SDK2: variants seen among roughly 807,000 people sequenced by gnomAD.
SDK2 encodes the protein protein sidekick-2.
SDK2 carries 105 observed loss-of-function variants against 253.9 expected under a neutral mutation model. That is an observed-to-expected ratio of 0.41 (90% CI 0.35 to 0.49). SDK2 has a LOEUF of 0.49. Ranked by LOEUF, SDK2 falls within the 20% of genes least tolerant of loss-of-function variation. The pLI is 0.06. For synonymous variants in SDK2, 1,249 were observed against 1,234.9 expected, an observed-to-expected ratio of 1.01 and a Z score of -0.24; for missense variants, 2,608 against 3,003.0, an observed-to-expected ratio of 0.87 and a Z score of 3.07.
At chr17:73,469,676 C>T (rs898495528) in intron 3 of SDK2, among the ~76,000 whole-genome samples, 1 of 152,142 alleles carries the variant, frequency 6.6e-6, no homozygotes, top group African/African-American at 2.4e-5. Flanking sequence ...GAGTTCCCCC[C>T]ACCCTGGGTT....
At chr17:73,415,469 C>T (rs2063172628) in intron 17 of SDK2, among the ~76,000 whole-genome samples, 1 of 151,660 alleles carries the variant, frequency 6.6e-6, no homozygotes, top group Non-Finnish European at 1.5e-5. Context: ...TGGGGACCTC[C>T]CGAGTAGCTG....
intron 2 of SDK2, among the ~76,000 whole-genome samples, chr17:73,486,610 TAAAAAAAAA>T: frequency 1.0e-5 from 1 of 96,454 alleles, no homozygotes; most frequent in African/African-American, 4.1e-5. Flanking sequence ...ACTCTGCTTC[TAAAAAAAAA>T]AAAAAAAAAA....
intron 1 of SDK2, among the ~76,000 whole-genome samples, chr17:73,528,007 G>A (rs1442536939): frequency 6.6e-6 from 1 of 152,066 alleles, no homozygotes; most frequent in Non-Finnish European, 1.5e-5. Flanking sequence ...GAGGGAGAGG[G>A]AAGCGTCAGC....
At position 73,394,284 on chromosome 17, in the gene SDK2, G is replaced by A; in HGVS notation, c.3633C>T (p.Thr1211=). The change falls in exon 26 of 45, where the codon ACC becomes ACT. Residue 1211 remains threonine (T), a synonymous_variant. Coordinates refer to ENST00000392650, the MANE Select transcript of SDK2 (RefSeq NM_001144952.2). ...AGCGCACCAGCATGCTGCTGGAGGT[G>A]GTGGCCAGTGCAGACACATTGGTGG... ...SGPTNVSALA[T]TSSSMLVRWS... The A allele has an allele frequency of 1.9e-6, 3 of 1,602,642 alleles. No homozygotes were observed. In the East Asian group the frequency reaches 6.7e-5, roughly 36 times the overall value.
chr17:73,430,162 G>C (rs2063315060), intron 12 of SDK2, among the ~76,000 whole-genome samples: 1 of 152,138 alleles, frequency 6.6e-6, no homozygotes. Context: ...TGGCGTCCAG[G>C]GCCAGAGACA....
chr17:73,423,359 T>G (rs2063249660), intron 14 of SDK2, 27 bp downstream of exon 14: 1 of 1,398,110 alleles, frequency 7.2e-7, no homozygotes, highest in South Asian at 1.7e-5. Flanking sequence ...GGGCGGGAGG[T>G]GTTGGAGGTG....
chr17:73,552,275 A>T (rs1156702113), intron 1 of SDK2, among the ~76,000 whole-genome samples: 3 of 152,280 alleles, frequency 2.0e-5, no homozygotes, highest in Non-Finnish European at 2.9e-5. Context: ...ATTTAATTTA[A>T]CGACACATTT....
chr17:73,378,714 C>T (rs1047434029), intron 36 of SDK2, among the ~76,000 whole-genome samples: 5 of 152,146 alleles, frequency 3.3e-5, no homozygotes, highest in African/African-American at 9.7e-5. Context: ...GCCACCGCGC[C>T]CAGCCTAGAA....
intron 29 of SDK2, among the ~76,000 whole-genome samples, chr17:73,388,780 TTCCTTCCTTCCCTCCC>T (rs1489402286): frequency 1.3e-5 from 1 of 79,130 alleles, no homozygotes; most frequent in African/African-American, 4.3e-5. Flanking sequence ...CTCTCCTTCC[TTCCTTCCTTCCCTCCC>T]TCCTTCCTTC....
At chr17:73,397,877 C>T (rs1473311613) in intron 24 of SDK2, among the ~76,000 whole-genome samples, 158 bp downstream of exon 24, 1 of 152,144 alleles carries the variant, frequency 6.6e-6, no homozygotes, top group South Asian at 2.1e-4. Flanking sequence ...GGCGGGGGGG[C>T]ATTTGTTCGT....
In SDK2 at chr17:73,443,459, G is replaced by A. The variant is rs1039726540; in HGVS notation, c.614-2536C>T. Among the ~76,000 whole-genome samples the A allele has an allele frequency of 6.6e-6, 1 of 152,238 alleles. No individual in the cohort carries two copies. Among genetic ancestry groups the A allele is most frequent in the Non-Finnish European group, 1.5e-5 (1 of 68,050 alleles). On this transcript the variant is annotated intron_variant, in intron 5 of 44. Coordinates refer to ENST00000392650, the MANE Select transcript of SDK2 (RefSeq NM_001144952.2). The surrounding 1 kb of genome is among the most constrained non-coding windows in gnomAD (Gnocchi z 4.6). Reference sequence around the variant, plus strand: ...GCAGGTACCACGGCTCAGATTAATGGGGCACAAGTAAGAGACAGACAGTTA... The same window carrying A: ...GCAGGTACCACGGCTCAGATTAATGAGGCACAAGTAAGAGACAGACAGTTA...
chr17:73,464,674 C>A (rs2063585465), intron 3 of SDK2, among the ~76,000 whole-genome samples: 1 of 152,212 alleles, frequency 6.6e-6, no homozygotes, highest in Non-Finnish European at 1.5e-5. Flanking sequence ...TGCTATCTGA[C>A]CTGGAATGAT....
intron 8 of SDK2, among the ~76,000 whole-genome samples, chr17:73,436,162 C>G (rs187142244): frequency 2.0e-5 from 3 of 152,276 alleles, no homozygotes; most frequent in Admixed American, 6.5e-5. Flanking sequence ...TCGAAGAGCA[C>G]GTAGAGGGTC....
chr17:73,540,381 A>G (rs1047115338), intron 1 of SDK2, among the ~76,000 whole-genome samples: 4 of 152,204 alleles, frequency 2.6e-5, no homozygotes, highest in African/African-American at 9.7e-5. Flanking sequence ...CTTTACACAC[A>G]CACACAGTCC....
rs1389787563 is a variant in SDK2 at position 73,394,303 on chromosome 17, T to C, written c.3614A>G (p.Asn1205Ser). Residue 1205 changes from asparagine to serine, a missense_variant, in exon 26 of 45, where the codon AAT becomes AGT. Physicochemically the swap from Asn to Ser is conservative, Grantham distance 46. Coordinates refer to ENST00000392650, the MANE Select transcript of SDK2 (RefSeq NM_001144952.2). ...RESVPSSGPT[N>S]VSALATTSSS... ...GGAGGTGGTGGCCAGTGCAGACACA[T>C]TGGTGGGGCCGGAAGAGGGAACTGT... The C allele has an allele frequency of 1.9e-6, 3 of 1,592,808 alleles. No homozygotes were observed. In the Admixed American group the frequency reaches 5.1e-5, roughly 27 times the overall value.
intron 3 of SDK2, among the ~76,000 whole-genome samples, chr17:73,470,762 A>G (rs932259951): frequency 6.6e-6 from 1 of 152,226 alleles, no homozygotes; most frequent in Non-Finnish European, 1.5e-5. Flanking sequence ...CTCTTGTGCT[A>G]ATTTAGAAGC....
chr17:73,386,592 A>G, intron 30 of SDK2, 44 bp from the exon 31 acceptor site: 1 of 1,382,544 alleles, frequency 7.2e-7, no homozygotes. Context: ...TGCTCCTTAA[A>G]GGCCTCGCCC....
rs1336194351 is a variant in SDK2, at chr17:73,590,858, G to A, written c.64+53167C>T. Among the ~76,000 whole-genome samples the A allele has an allele frequency of 2.0e-5, 3 of 152,160 alleles. 1 individual carries two copies. Among genetic ancestry groups the A allele is most frequent in the African/African-American group, 7.2e-5 (3 of 41,432 alleles). ...TTTTCCTGCCCAGACTGCCACCACC[G>A]GACTGTAGGAAGGCGGACATCTTAT... On this transcript the variant is annotated intron_variant, in intron 1 of 44. Coordinates refer to ENST00000392650, the MANE Select transcript of SDK2 (RefSeq NM_001144952.2).
intron 2 of SDK2, among the ~76,000 whole-genome samples, chr17:73,475,698 G>A (rs2063681610): frequency 6.6e-6 from 1 of 152,232 alleles, no homozygotes; most frequent in African/African-American, 2.4e-5. Flanking sequence ...GGGAGGAGGG[G>A]AAGGTTTGCG....
Sources: allele counts gnomAD v4.1 joint callset (sites outside exome capture counted in the v4.1 genomes callset), GRCh38; gene constraint gnomAD v4.1.1; non-coding constraint Gnocchi (gnomAD v3.1); transcripts MANE v1.5; gene names NCBI Gene and HGNC (gene_info 2026-07-23, HGNC 2026-07-21).